TAFA1: variants seen among roughly 807,000 people sequenced by gnomAD.
The protein encoded by TAFA1 is chemokine-like protein TAFA-1.
A neutral mutation model predicts 18.5 loss-of-function variants in TAFA1; 4 were observed. That is an observed-to-expected ratio of 0.22 (90% CI 0.11 to 0.49). The LOEUF (loss-of-function observed/expected upper bound fraction) is 0.49, where lower values mean the gene tolerates loss of function less well. Among genes scored for constraint, TAFA1 ranks in the 20% least tolerant of loss-of-function variants. TAFA1 has a pLI of 0.98. For missense variants in TAFA1, 147 were observed against 169.0 expected, an observed-to-expected ratio of 0.87 and a Z score of 0.72; for synonymous variants, 56 against 55.2, an observed-to-expected ratio of 1.01 and a Z score of -0.06.
intron 2 of TAFA1, among the ~76,000 whole-genome samples, chr3:68,364,493 A>T (rs1199764718): frequency 6.6e-6 from 1 of 152,224 alleles, no homozygotes; most frequent in Non-Finnish European, 1.5e-5. Flanking sequence ...TGGTACAAAA[A>T]CTTAATTAAA....
intron 2 of TAFA1, among the ~76,000 whole-genome samples, chr3:68,336,887 C>T (rs371240744): frequency 1.3e-5 from 2 of 152,238 alleles, no homozygotes; most frequent in East Asian, 3.9e-4. Flanking sequence ...CCATGCCTAG[C>T]TAATTTTCTT....
chr3:68,248,672 G>T (rs1442720622), intron 2 of TAFA1, among the ~76,000 whole-genome samples: 1 of 138,240 alleles, frequency 7.2e-6, no homozygotes, highest in Non-Finnish European at 1.5e-5. Context: ...ACCTGGAGAT[G>T]GGCTCCTTAT....
At chr3:68,410,921 T>A (rs2070704046) in intron 2 of TAFA1, among the ~76,000 whole-genome samples, 1 of 152,184 alleles carries the variant, frequency 6.6e-6, no homozygotes, top group Non-Finnish European at 1.5e-5. Context: ...CAGTTAAGTT[T>A]GAAAGGATAG....
intron 2 of TAFA1, among the ~76,000 whole-genome samples, chr3:68,416,612 G>C (rs1211986407): frequency 6.6e-6 from 1 of 152,204 alleles, no homozygotes; most frequent in Non-Finnish European, 1.5e-5. Context: ...TCGTAGTGGA[G>C]AGTGACATAC....
chr3:68,129,010 A>G (rs2065506569), intron 2 of TAFA1, among the ~76,000 whole-genome samples: 2 of 152,220 alleles, frequency 1.3e-5, no homozygotes, highest in Admixed American at 1.3e-4. Context: ...TATTATACAA[A>G]GTGACAAGCT....
chr3:68,308,227 T>A (rs1174385304), intron 2 of TAFA1, among the ~76,000 whole-genome samples: 1 of 152,196 alleles, frequency 6.6e-6, no homozygotes, highest in East Asian at 1.9e-4. Flanking sequence ...CTGCTTGACA[T>A]CCAAAATTTC....
At chr3:68,028,074 T>G (rs1575581202) in intron 2 of TAFA1, among the ~76,000 whole-genome samples, 1 of 151,986 alleles carries the variant, frequency 6.6e-6, no homozygotes, top group Admixed American at 6.6e-5. Context: ...CTGAGGCGGG[T>G]GGACCACTTG....
intron 2 of TAFA1, among the ~76,000 whole-genome samples, chr3:68,102,510 G>C (rs1436895082): frequency 6.6e-6 from 1 of 152,120 alleles, no homozygotes; most frequent in Non-Finnish European, 1.5e-5. Context: ...ATGCACAGAA[G>C]GCTGGCTCTC....
At chr3:68,276,284 G>A (rs1022439968) in intron 2 of TAFA1, among the ~76,000 whole-genome samples, 2 of 152,128 alleles carry the variant, frequency 1.3e-5, no homozygotes, top group African/African-American at 4.8e-5. Context: ...AGCATTTGGG[G>A]CTGAATAATT....
chr3:68,368,744 C>T (rs1007140947), intron 2 of TAFA1, among the ~76,000 whole-genome samples: 5 of 152,100 alleles, frequency 3.3e-5, no homozygotes, highest in African/African-American at 1.2e-4. Context: ...TCATCTCTGC[C>T]ACCAAAATCT....
intron 2 of TAFA1, among the ~76,000 whole-genome samples, chr3:68,259,454 T>C (rs1323782328): frequency 6.6e-6 from 1 of 152,172 alleles, no homozygotes. Flanking sequence ...TTTAAAGTAG[T>C]TTTTTCCAAT....
intron 2 of TAFA1, among the ~76,000 whole-genome samples, chr3:68,218,740 GA>G (rs2066693074): frequency 1.3e-5 from 2 of 152,044 alleles, no homozygotes; most frequent in Non-Finnish European, 2.9e-5. Flanking sequence ...GAAACACATT[GA>G]CTTGTGAGGT....
intron 2 of TAFA1, among the ~76,000 whole-genome samples, chr3:68,396,549 T>C (rs971056291): frequency 2.0e-5 from 3 of 152,216 alleles, no homozygotes; most frequent in African/African-American, 4.8e-5. Flanking sequence ...TAGCAGTAGA[T>C]GGTTCCTTCT....
At chr3:68,482,442 C>T (rs974638511) in intron 3 of TAFA1, among the ~76,000 whole-genome samples, 4 of 152,132 alleles carry the variant, frequency 2.6e-5, no homozygotes, top group Admixed American at 2.6e-4. Context: ...GTTGGCAGTG[C>T]TGACACAGAG....
intron 3 of TAFA1, among the ~76,000 whole-genome samples, chr3:68,522,764 G>A (rs2073047272): frequency 6.6e-6 from 1 of 152,054 alleles, no homozygotes; most frequent in Admixed American, 6.6e-5. Context: ...CAGGAGAACT[G>A]CTTGAACTCA....
In TAFA1 at chr3:68,318,307, C is replaced by T. The variant is rs181902624; in HGVS notation, c.119-98973C>T. On this transcript the variant is annotated intron_variant, in intron 2 of 4. Transcript: ENST00000478136. ...TCCCTCTCCTGGCTATCAAGGATGG[C>T]CTCTTTGATGATTGAGTTTTATGGA... 1.6e-4 allele frequency among the ~76,000 whole-genome samples: 24 copies of T among 152,230 alleles called. No homozygotes were observed. The East Asian group carries it at 1.7e-3, about 11-fold the overall frequency.
At chr3:68,120,572 C>T (rs2065386951) in intron 2 of TAFA1, among the ~76,000 whole-genome samples, 3 of 152,058 alleles carry the variant, frequency 2.0e-5, no homozygotes, top group Non-Finnish European at 4.4e-5. Flanking sequence ...CTATGTAAAT[C>T]TCTTGCTGTA....
intron 2 of TAFA1, among the ~76,000 whole-genome samples, chr3:68,026,407 T>C (rs1164844796): frequency 2.0e-5 from 3 of 151,982 alleles, no homozygotes; most frequent in Non-Finnish European, 4.4e-5. Flanking sequence ...CAAGTTACTA[T>C]GATTTTCAAA....
At chr3:68,098,670 C>G (rs192216670) in intron 2 of TAFA1, among the ~76,000 whole-genome samples, 2 of 151,988 alleles carry the variant, frequency 1.3e-5, no homozygotes, top group South Asian at 4.2e-4. Context: ...GAGGGAGATA[C>G]GAATGCTATG....
Sources: allele counts gnomAD v4.1 joint callset (sites outside exome capture counted in the v4.1 genomes callset), GRCh38; gene constraint gnomAD v4.1.1; transcripts MANE v1.5; gene names NCBI Gene and HGNC (gene_info 2026-07-23, HGNC 2026-07-21).